The following TP53BP1 variants were observed in gnomAD, a reference collection of about 807,000 sequenced individuals.
The protein encoded by TP53BP1 is tumor protein p53 binding protein 1.
In TP53BP1, 61 loss-of-function variants were observed where a neutral mutation model predicts 200.8. The ratio of observed to expected loss-of-function variants is 0.30; its 90% CI spans 0.25 to 0.38. TP53BP1 has a LOEUF of 0.38. Among genes scored for constraint, TP53BP1 ranks in the 10% least tolerant of loss-of-function variants. The pLI, the probability that TP53BP1 is intolerant of heterozygous loss-of-function variation, is 1.00. For missense variants in TP53BP1, 2,144 were observed against 2,371.9 expected (o/e 0.90, Z 2.00); for synonymous variants, 822 against 844.3 (o/e 0.97, Z 0.46).
Position 43,469,857 on chromosome 15 carries a change from C to T in TP53BP1, c.1389+1G>A. 6.2e-7 allele frequency: 1 copy of T among 1,610,948 alleles called. No homozygotes were observed. Among genetic ancestry groups the T allele is most frequent in the Non-Finnish European group, 8.5e-7 (1 of 1,177,514 alleles). ...GAAACAACTCTTTTTACAATACTCA[C>T]ATGAGAAAACTGAGGCTGGGATGGG... On this transcript the variant is annotated splice_donor_variant, in intron 11 of 27. Coordinates refer to ENST00000382044, the MANE Select transcript of TP53BP1 (RefSeq NM_001141980.3). LOFTEE classifies it high-confidence loss of function.
At chr15:43,431,799 T>C (rs148499628) in intron 17 of TP53BP1, among the ~76,000 whole-genome samples, 1 of 152,254 alleles carries the variant, frequency 6.6e-6, no homozygotes, top group East Asian at 1.9e-4. Flanking sequence ...TTCTACTCTC[T>C]GAATTCCTGA....
At chr15:43,420,887 A>C in intron 20 of TP53BP1, 138 bp downstream of exon 20, 1 of 1,321,778 alleles carries the variant, frequency 7.6e-7, no homozygotes, top group Non-Finnish European at 1.0e-6. Flanking sequence ...CTGTGGCCTC[A>C]CTCTGATCCC....
chr15:43,498,902 G>A (rs1378495579), intron 1 of TP53BP1, among the ~76,000 whole-genome samples: 1 of 151,858 alleles, frequency 6.6e-6, no homozygotes, highest in Non-Finnish European at 1.5e-5. Context: ...CCTGACATAG[G>A]AACAGCATGA....
chr15:43,491,638 A>G, intron 4 of TP53BP1, 31 bp downstream of exon 4: 1 of 1,502,952 alleles, frequency 6.7e-7, no homozygotes, highest in South Asian at 1.1e-5. Flanking sequence ...CTGATAATAC[A>G]TTTAAATAAA....
chr15:43,454,726 C>T (rs1044499888), intron 12 of TP53BP1, among the ~76,000 whole-genome samples: 1 of 151,692 alleles, frequency 6.6e-6, no homozygotes, highest in African/African-American at 2.4e-5. Flanking sequence ...TCATACTCTA[C>T]AAATTATTTT....
chr15:43,410,970 T>C (rs1217907785), intron 24 of TP53BP1, among the ~76,000 whole-genome samples: 2 of 152,184 alleles, frequency 1.3e-5, no homozygotes, highest in Non-Finnish European at 2.9e-5. Context: ...AGCAGGGCTA[T>C]TTCTCAGCTT....
intron 1 of TP53BP1, among the ~76,000 whole-genome samples, chr15:43,510,179 G>A (rs2079264532): frequency 8.8e-6 from 1 of 113,168 alleles, no homozygotes; most frequent in African/African-American, 3.4e-5. Flanking sequence ...GGGGGTGGGA[G>A]GGGGGGAAGT....
chr15:43,458,179 C>T (rs901112641), intron 11 of TP53BP1, among the ~76,000 whole-genome samples: 10 of 152,064 alleles, frequency 6.6e-5, no homozygotes, highest in African/African-American at 2.4e-4. Context: ...CACCTGTAAT[C>T]CCAGCACTTT....
intron 12 of TP53BP1, among the ~76,000 whole-genome samples, chr15:43,452,771 AAAT>A (rs1362857246): frequency 1.1e-4 from 16 of 152,240 alleles, no homozygotes; most frequent in African/African-American, 3.9e-4. Context: ...AATGTTAATA[AAAT>A]AATAAGTTTT....
rs75714775 is a variant in TP53BP1, at chr15:43,456,201, C to A, written c.2407G>T (p.Ala803Ser). 6.1e-5 allele frequency: 98 copies of A among 1,614,164 alleles called. No individual in the cohort carries two copies. In the African/African-American group the frequency reaches 1.2e-3, roughly 20 times the overall value. Residue 803 changes from alanine (A) to serine (S), a missense_variant, in exon 12 of 28, where the codon GCT (alanine) becomes TCT (serine). Ala to Ser is a moderately conservative substitution (Grantham distance 99). Around this residue, in one of 4 missense-constraint regions of TP53BP1, gnomAD observed 1,700 missense variants for 1,710.3 expected, o/e 0.99. Coordinates refer to ENST00000382044, the MANE Select transcript of TP53BP1 (RefSeq NM_001141980.3). ...TCCTTGGTGTCTAATCTATTCTCAG[C>A]ACATGGTTCTATTTCTGGAGCAATA... ...EDIAPEIEPC[A>S]ENRLDTKEEK...
Position 43,453,360 on chromosome 15 carries a change from A to T in TP53BP1, c.2716+2532T>A, listed in dbSNP as rs2046217273. 2.0e-5 allele frequency among the ~76,000 whole-genome samples: 3 copies of T among 152,122 alleles called. No homozygotes were observed. In the South Asian group the frequency reaches 6.2e-4, roughly 31 times the overall value. On this transcript the variant is annotated intron_variant, in intron 12 of 27. Transcript: ENST00000382044. ...GGTTATTCACATTGTTCTTCACTACAGCTCTTCAGAATCAAATAATCTGTA... is the reference window on the plus strand; with the variant it reads ...GGTTATTCACATTGTTCTTCACTACTGCTCTTCAGAATCAAATAATCTGTA...
At chr15:43,415,862 G>T in intron 22 of TP53BP1, 53 bp from the exon 23 acceptor site, 1 of 1,469,650 alleles carries the variant, frequency 6.8e-7, no homozygotes, top group Non-Finnish European at 9.4e-7. Flanking sequence ...ATGAGGCCCT[G>T]AACTCCAAGA....
intron 16 of TP53BP1, among the ~76,000 whole-genome samples, chr15:43,434,888 C>G (rs1315174977): frequency 6.6e-6 from 1 of 152,114 alleles, no homozygotes; most frequent in Non-Finnish European, 1.5e-5. Flanking sequence ...AGTGCCATAC[C>G]TCTCTCCCTC....
intron 11 of TP53BP1, 48 bp downstream of exon 11, chr15:43,469,810 G>T: frequency 6.8e-7 from 1 of 1,480,414 alleles, no homozygotes; most frequent in Non-Finnish European, 9.4e-7. Context: ...CAATAATGCT[G>T]CTTTAAAAAA....
intron 17 of TP53BP1, among the ~76,000 whole-genome samples, chr15:43,431,047 T>A (rs147401703): frequency 3.2e-4 from 48 of 152,276 alleles, no homozygotes; most frequent in Admixed American, 1.1e-3. Context: ...GTTGATCTGA[T>A]AACCAAGACA....
At chr15:43,415,425 G>A in intron 23 of TP53BP1, 169 bp downstream of exon 23, 1 of 736,508 alleles carries the variant, frequency 1.4e-6, no homozygotes, top group Non-Finnish European at 2.4e-6. Context: ...GATGGGGGAG[G>A]AGGGATACAG....
At chr15:43,465,459 G>A (rs963038271) in intron 11 of TP53BP1, among the ~76,000 whole-genome samples, 5 of 151,848 alleles carry the variant, frequency 3.3e-5, no homozygotes, top group African/African-American at 1.2e-4. Flanking sequence ...AACTAAAAGA[G>A]ACAGAGATGA....
intron 12 of TP53BP1, among the ~76,000 whole-genome samples, chr15:43,448,701 A>G (rs1376485276): frequency 1.3e-5 from 2 of 151,954 alleles, no homozygotes; most frequent in African/African-American, 4.8e-5. Context: ...CATCACGCCC[A>G]GCTAATTTTT....
chr15:43,433,844 C>T (rs148029613), intron 16 of TP53BP1, among the ~76,000 whole-genome samples: 1 of 152,046 alleles, frequency 6.6e-6, no homozygotes, highest in Non-Finnish European at 1.5e-5. Context: ...AGTATGTGGC[C>T]AGAAAAAGAG....
Sources: allele counts gnomAD v4.1 joint callset (sites outside exome capture counted in the v4.1 genomes callset), GRCh38; gene constraint gnomAD v4.1.1; regional missense constraint gnomAD v4.1.1; transcripts MANE v1.5; gene names NCBI Gene and HGNC (gene_info 2026-07-23, HGNC 2026-07-21).